Variants in PRDM5 observed in about 807,000 individuals in gnomAD.
PRDM5 encodes the protein PR domain zinc finger protein 5.
PRDM5 carries 56 observed loss-of-function variants against 81.2 expected under a neutral mutation model. The observed-to-expected ratio is 0.69, with a 90% CI of 0.56 to 0.86. PRDM5 has a LOEUF of 0.86. Among genes scored for constraint, PRDM5 ranks in the 40% least tolerant of loss-of-function variants. The probability of loss-of-function intolerance (pLI) is 0.00; values close to 1 mark genes in which losing one functional copy is unlikely to be tolerated. For synonymous variants in PRDM5, 267 were observed against 256.4 expected, an observed-to-expected ratio of 1.04 and a Z score of -0.39; for missense variants, 697 against 770.1, an observed-to-expected ratio of 0.91 and a Z score of 1.12.
chr4:120,754,443 T>G (rs1048637710), intron 14 of PRDM5, 110 bp downstream of exon 14: 2 of 695,860 alleles, frequency 2.9e-6, no homozygotes, highest in Non-Finnish European at 4.8e-6. Context: ...AATATAGATA[T>G]ACAACTTCCA....
At chr4:120,748,534 C>A (rs1329666258) in intron 14 of PRDM5, among the ~76,000 whole-genome samples, 1 of 151,652 alleles carries the variant, frequency 6.6e-6, no homozygotes, top group African/African-American at 2.4e-5. Context: ...CTCAGCTACT[C>A]AGGAGGCTGA....
chr4:120,851,087 A>G (rs574268446), intron 3 of PRDM5, among the ~76,000 whole-genome samples: 55 of 152,294 alleles, frequency 3.6e-4, no homozygotes, highest in Non-Finnish European at 6.9e-4. Context: ...TGAAACTCAC[A>G]TAACACTTTG....
chr4:120,769,007 T>C (rs934430401), intron 13 of PRDM5, among the ~76,000 whole-genome samples: 6 of 152,244 alleles, frequency 3.9e-5, no homozygotes, highest in Non-Finnish European at 8.8e-5. Flanking sequence ...TAGCATTTTC[T>C]TCTTTAATGC....
At chr4:120,826,670 A>G (rs1208282800) in intron 3 of PRDM5, among the ~76,000 whole-genome samples, 1 of 152,168 alleles carries the variant, frequency 6.6e-6, no homozygotes, top group African/African-American at 2.4e-5. Context: ...TCCTTTATTT[A>G]TTTACAGCTG....
At chr4:120,711,348 G>C (rs1416826534) in intron 14 of PRDM5, among the ~76,000 whole-genome samples, 1 of 152,110 alleles carries the variant, frequency 6.6e-6, no homozygotes, top group African/African-American at 2.4e-5. Context: ...ACCTAGGCTG[G>C]AGTGCAGTGG....
chr4:120,853,033 A>G (rs927751697), intron 3 of PRDM5, among the ~76,000 whole-genome samples: 2 of 152,174 alleles, frequency 1.3e-5, no homozygotes, highest in Non-Finnish European at 1.5e-5. Context: ...AATATCCCCA[A>G]GTAAACCTTC....
intron 15 of PRDM5, among the ~76,000 whole-genome samples, chr4:120,704,165 C>A (rs1176357080): frequency 6.6e-6 from 1 of 152,314 alleles, no homozygotes; most frequent in South Asian, 2.1e-4. Context: ...AACACTCCAA[C>A]AGCTTGCTGA....
intron 9 of PRDM5, among the ~76,000 whole-genome samples, chr4:120,798,858 T>G (rs1751707470): frequency 6.6e-6 from 1 of 152,124 alleles, no homozygotes; most frequent in Non-Finnish European, 1.5e-5. Context: ...AACCAGATAT[T>G]TACACTGGTA....
chr4:120,876,387 T>C (rs1322618787), intron 2 of PRDM5, among the ~76,000 whole-genome samples: 1 of 152,246 alleles, frequency 6.6e-6, no homozygotes, highest in East Asian at 1.9e-4. Context: ...ATATGTAAAA[T>C]TGTGCTATCA....
chr4:120,838,029 T>C (rs1757561922), intron 3 of PRDM5: 1 of 152,228 alleles, frequency 6.6e-6, no homozygotes, highest in Admixed American at 6.5e-5. Context: ...TTTAATTAAG[T>C]ATAATAAGAC....
At chr4:120,790,630 A>G (rs959038058) in intron 10 of PRDM5, among the ~76,000 whole-genome samples, 5 of 152,190 alleles carry the variant, frequency 3.3e-5, no homozygotes, top group Admixed American at 6.5e-5. Flanking sequence ...TTTTAGTCCT[A>G]TGAAAAAAAT....
chr4:120,891,722 T>A (rs1764067127), intron 2 of PRDM5, among the ~76,000 whole-genome samples: 1 of 152,088 alleles, frequency 6.6e-6, no homozygotes, highest in Non-Finnish European at 1.5e-5. Context: ...CTCCGCCTTC[T>A]GGGTTCAAGT....
At chr4:120,780,816 A>G (rs1578706861) in intron 12 of PRDM5, among the ~76,000 whole-genome samples, 1 of 152,246 alleles carries the variant, frequency 6.6e-6, no homozygotes, top group African/African-American at 2.4e-5. Context: ...TATTTCTTAG[A>G]AAGAAACAGC....
intron 2 of PRDM5, among the ~76,000 whole-genome samples, chr4:120,868,035 T>C (rs1049812050): frequency 2.6e-5 from 4 of 152,198 alleles, no homozygotes; most frequent in African/African-American, 9.6e-5. Context: ...ATATGCATAA[T>C]ATTTTACTTT....
At chr4:120,828,867 G>A (rs533010566) in intron 3 of PRDM5, among the ~76,000 whole-genome samples, 1 of 152,104 alleles carries the variant, frequency 6.6e-6, no homozygotes, top group African/African-American at 2.4e-5. Context: ...GCCGCTCTGA[G>A]GCTCTGTCAC....
At chr4:120,870,108 G>C (rs1561549998) in intron 2 of PRDM5, among the ~76,000 whole-genome samples, 2 of 152,038 alleles carry the variant, frequency 1.3e-5, no homozygotes, top group Admixed American at 6.6e-5. Context: ...TAAAGGACGA[G>C]GAAGGAAGGG....
chr4:120,918,522 ATC>A (rs1405655481), intron 1 of PRDM5, among the ~76,000 whole-genome samples: 7 of 150,808 alleles, frequency 4.6e-5, no homozygotes, highest in Admixed American at 4.6e-4. Context: ...TTATTTACTT[ATC>A]TGTTTCAGCT....
intron 15 of PRDM5, among the ~76,000 whole-genome samples, 189 bp from the exon 16 acceptor site, chr4:120,695,464 G>A (rs2148985364): frequency 6.6e-6 from 1 of 152,112 alleles, no homozygotes; most frequent in African/African-American, 2.4e-5. Flanking sequence ...ACAACTCCCT[G>A]GCAACAATAC....
intron 14 of PRDM5, among the ~76,000 whole-genome samples, chr4:120,740,290 C>T (rs1261882139): frequency 6.6e-6 from 1 of 152,130 alleles, no homozygotes; most frequent in Non-Finnish European, 1.5e-5. Context: ...TTTAGAAATT[C>T]TAAAAATGTT....
Sources: gnomAD v4.1 joint callset for allele counts (sites outside exome capture counted in the v4.1 genomes callset) on GRCh38, gnomAD v4.1.1 for gene constraint, MANE v1.5 for transcripts, NCBI Gene and HGNC (gene_info 2026-07-23, HGNC 2026-07-21) for gene names.